The following ANKRD61 variants were observed in gnomAD, a reference collection of about 807,000 sequenced individuals.
ANKRD61 encodes the protein ankyrin repeat domain-containing protein 61.
ANKRD61 carries 7 observed loss-of-function variants against 8.4 expected under a neutral mutation model. That is an observed-to-expected ratio of 0.84 (90% CI 0.48 to 1.57). The LOEUF is 1.57. Ranked by LOEUF, ANKRD61 falls within the 40% of genes most tolerant of loss-of-function variation. The pLI is 0.00. For missense variants in ANKRD61, 516 were observed against 523.4 expected, an observed-to-expected ratio of 0.99 and a Z score of 0.14; for synonymous variants, 198 against 208.0, an observed-to-expected ratio of 0.95 and a Z score of 0.41.
At position 6,032,992 on chromosome 7, in the gene ANKRD61, G is replaced by A. The variant is rs1188962110; in HGVS notation, c.314+56G>A. ...TTTTTTTCTTTTTTGTTTTGAGGCA[G>A]GGGTCTCGCTCTGTTGCCCAGGCTG... On this transcript the variant is annotated intron_variant, in intron 2 of 2. Coordinates refer to ENST00000409061, the MANE Select transcript of ANKRD61 (RefSeq NM_001271700.2). This position sits in a 1 kb window ranked among gnomAD's most constrained non-coding sequence, Gnocchi z 4.3. 5.5e-6 allele frequency: 8 copies of A among 1,443,156 alleles called. No homozygotes were observed. Among genetic ancestry groups the A allele is most frequent in the Non-Finnish European group, 7.5e-6 (8 of 1,059,920 alleles). 89.4% of individuals were successfully genotyped at this position (1,443,156 alleles called of 1,614,324 possible).
chr7:6,032,820 T>C lies in ANKRD61; in HGVS notation c.217-19T>C, dbSNP rs1359235924. 5 of 1,543,990 alleles carry C rather than the reference T, an allele frequency of 3.2e-6. No individual in the cohort carries two copies. The highest frequency in any genetic ancestry group is 4.4e-6 in the Non-Finnish European group (5 of 1,140,984). On this transcript the variant is annotated intron_variant, in intron 1 of 2. Transcript: ENST00000409061. This position sits in a 1 kb window ranked among gnomAD's most constrained non-coding sequence, Gnocchi z 4.3. ...ACTACACAGGGCCACTTGTAATGTG[T>C]TTTGTTTTCCCTCCAAAGCCGACAG...
In ANKRD61 at chr7:6,035,077, A is replaced by G. The variant is rs1280990358; in HGVS notation, c.315-367A>G. On this transcript the variant is annotated intron_variant, in intron 2 of 2. Transcript: ENST00000409061. The surrounding 1 kb of genome is among the most constrained non-coding windows in gnomAD (Gnocchi z 5.5). ...CTGTGTGAGGTGCCAGACTGCAGAA[A>G]TCACTAAGATACAGCCTTGAAGGGA... 2.0e-5 allele frequency among the ~76,000 whole-genome samples: 3 copies of G among 152,206 alleles called. No individual in the cohort carries two copies. The highest frequency in any genetic ancestry group is 4.4e-5 in the Non-Finnish European group (3 of 68,044).
Position 6,032,818 on chromosome 7 carries a change from T to C in ANKRD61, c.217-21T>C. 6.5e-7 allele frequency: 1 copy of C among 1,536,324 alleles called. No homozygotes were observed. Among genetic ancestry groups the C allele is most frequent in the East Asian group, 2.4e-5 (1 of 40,820 alleles). On this transcript the variant is annotated intron_variant, in intron 1 of 2. Transcript: ENST00000409061. The surrounding 1 kb of genome is among the most constrained non-coding windows in gnomAD (Gnocchi z 4.3). The stretch of plus-strand genomic sequence containing the variant: ...TAACTACACAGGGCCACTTGTAATG[T>C]GTTTTGTTTTCCCTCCAAAGCCGAC...
chr7:6,032,071 G>A lies in ANKRD61; in HGVS notation c.216+480G>A, dbSNP rs545645579. Among the ~76,000 whole-genome samples the A allele has an allele frequency of 8.0e-4, 122 of 152,258 alleles. 1 individual carries two copies. The highest frequency in any genetic ancestry group is 2.8e-3 in the African/African-American group (116 of 41,540). On this transcript the variant is annotated intron_variant, in intron 1 of 2. Coordinates refer to ENST00000409061, the MANE Select transcript of ANKRD61 (RefSeq NM_001271700.2). The surrounding 1 kb of genome is among the most constrained non-coding windows in gnomAD (Gnocchi z 4.3). ...AGCCTGTAATCTCAGCTACTCGGAC[G>A]GCTGAGGCAGGAGAATTGCTTGAAC...
At chr7:6,031,719 CCA>C in intron 1 of ANKRD61, 128 bp downstream of exon 1, 1 of 890,152 alleles carries the variant, frequency 1.1e-6, no homozygotes, top group Non-Finnish European at 1.7e-6. Flanking sequence ...CCAGCTCACT[CCA>C]CACACACTGC....
Position 6,033,894 on chromosome 7 carries a change from T to C in ANKRD61, c.314+958T>C, listed in dbSNP as rs977708619. 1.3e-5 allele frequency among the ~76,000 whole-genome samples: 2 copies of C among 152,032 alleles called. No individual in the cohort carries two copies. The highest frequency in any genetic ancestry group is 1.3e-4 in the Admixed American group (2 of 15,248). ...GACAATGGATTTTCTTGTTTATTAC[T>C]CTCCACTAGAAGGTAAGCCGCATGA... On this transcript the variant is annotated intron_variant, in intron 2 of 2. Coordinates refer to ENST00000409061, the MANE Select transcript of ANKRD61 (RefSeq NM_001271700.2). The surrounding 1 kb of genome is among the most constrained non-coding windows in gnomAD (Gnocchi z 4.4).
At chr7:6,031,949 G>T (rs558493905) in intron 1 of ANKRD61, among the ~76,000 whole-genome samples, 1 of 152,318 alleles carries the variant, frequency 6.6e-6, no homozygotes, top group East Asian at 1.9e-4. Flanking sequence ...TGAGGTGGGT[G>T]GATCACCTGA....
At position 6,032,745 on chromosome 7, in the gene ANKRD61, A is replaced by T; in HGVS notation, c.217-94A>T. 9.7e-7 allele frequency: 1 copy of T among 1,030,620 alleles called. No individual in the cohort carries two copies. Among genetic ancestry groups the T allele is most frequent in the African/African-American group, 1.6e-5 (1 of 62,142 alleles). The allele number at this position is 1,030,620 out of a possible 1,614,324, so 63.8% of individuals were successfully genotyped here. A position where few individuals can be genotyped will look rare whatever the true frequency, so the allele number is the denominator to read the frequency against. On this transcript the variant is annotated intron_variant, in intron 1 of 2. Transcript: ENST00000409061. The surrounding 1 kb of genome is among the most constrained non-coding windows in gnomAD (Gnocchi z 4.3). Reference sequence around the variant, plus strand: ...AAAAGAGTGAGCCAATGAGACACTAAATAAATGTATTGCCTTTGAAACGGC... The same window carrying T: ...AAAAGAGTGAGCCAATGAGACACTATATAAATGTATTGCCTTTGAAACGGC...
rs1011221783 is a variant in ANKRD61, at chr7:6,035,828, C to G, written c.699C>G (p.Ser233=). 1.9e-5 allele frequency: 29 copies of G among 1,549,164 alleles called. No individual in the cohort carries two copies. The Admixed American group carries it at 5.7e-4, about 30-fold the overall frequency. The stretch of plus-strand genomic sequence containing the variant: ...CAAACGTCAACTGTGCTGTCTCTTC[C>G]ACGGGGAACACGCCCCTGAAGCTTG... ...YGANVNCAVS[S]TGNTPLKLAV... The change falls in exon 3 of 3, where the codon TCC becomes TCG. Residue 233 remains serine, a synonymous_variant. Transcript: ENST00000409061. This position sits in a 1 kb window ranked among gnomAD's most constrained non-coding sequence, Gnocchi z 5.5.
At chr7:6,031,704 C>T (rs568169837) in intron 1 of ANKRD61, 113 bp downstream of exon 1, 133 of 1,009,384 alleles carry the variant, frequency 1.3e-4, no homozygotes, top group Non-Finnish European at 1.8e-4. Flanking sequence ...GAATGAGACA[C>T]GACTCCAGCT....
At position 6,036,102 on chromosome 7, in the gene ANKRD61, G is replaced by C; in HGVS notation, c.973G>C (p.Val325Leu). 1 of 1,550,894 alleles carries C rather than the reference G, an allele frequency of 6.4e-7. No homozygotes were observed. Among genetic ancestry groups the C allele is most frequent in the Non-Finnish European group, 8.7e-7 (1 of 1,147,094 alleles). ...TATGTACCTTCAGCGCAGTTGCAAT[G>C]TAAGAGATACGGCACTTCTGGCCAG... ...IYMYLQRSCN[V>L]RDTALLARLL... The change falls in exon 3 of 3, where the codon GTA (valine) becomes CTA (leucine). Residue 325 changes from valine to leucine, a missense_variant. Coordinates refer to ENST00000409061, the MANE Select transcript of ANKRD61 (RefSeq NM_001271700.2). This position sits in a 1 kb window ranked among gnomAD's most constrained non-coding sequence, Gnocchi z 4.6.
Position 6,032,843 on chromosome 7 carries a change from CAG to C in ANKRD61, c.224_225del (p.Glu75ValfsTer26). Reference sequence around the variant, plus strand: ...TGTTTTGTTTTCCCTCCAAAGCCGACAGAGTCTATCATCCCCATCCATCTGGC... The same window carrying C: ...TGTTTTGTTTTCCCTCCAAAGCCGACAGTCTATCATCCCCATCCATCTGGC... On this transcript the variant is annotated frameshift_variant, in exon 2 of 3. Coordinates refer to ENST00000409061, the MANE Select transcript of ANKRD61 (RefSeq NM_001271700.2). LOFTEE classifies it high-confidence loss of function. The surrounding 1 kb of genome is among the most constrained non-coding windows in gnomAD (Gnocchi z 4.3). The C allele has an allele frequency of 6.4e-7, 1 of 1,550,826 alleles. No homozygotes were observed. The highest frequency in any genetic ancestry group is 8.7e-7 in the Non-Finnish European group (1 of 1,146,872).
Position 6,036,466 on chromosome 7 carries a change from T to C in ANKRD61, c.*80T>C. ...TTCTGGCTAGACATGTCCCAGAAAA[T>C]GCTTCACCTATCACCTGTGACATCC... On this transcript the variant is annotated 3_prime_UTR_variant, in exon 3 of 3. Coordinates refer to ENST00000409061, the MANE Select transcript of ANKRD61 (RefSeq NM_001271700.2). The surrounding 1 kb of genome is among the most constrained non-coding windows in gnomAD (Gnocchi z 4.6). 9.8e-7 allele frequency: 1 copy of C among 1,018,142 alleles called. No homozygotes were observed. The highest frequency in any genetic ancestry group is 1.4e-6 in the Non-Finnish European group (1 of 732,270). The allele number at this position is 1,018,142 out of a possible 1,614,324, so 63.1% of individuals were successfully genotyped here.
chr7:6,035,136 G>C lies in ANKRD61; in HGVS notation c.315-308G>C, dbSNP rs983772796. ...TAGCGGGGACGGCACAGGTAAAACA[G>C]GCTGCTCCAAGAAGCTGGGCCTTCT... is the stretch of plus-strand genomic sequence containing the variant. On this transcript the variant is annotated intron_variant, in intron 2 of 2. Transcript: ENST00000409061. The surrounding 1 kb of genome is among the most constrained non-coding windows in gnomAD (Gnocchi z 5.5). Among the ~76,000 whole-genome samples, 3 of 152,090 alleles carry C rather than the reference G, an allele frequency of 2.0e-5. No homozygotes were observed. The highest frequency in any genetic ancestry group is 7.2e-5 in the African/African-American group (3 of 41,406).
At position 6,036,305 on chromosome 7, in the gene ANKRD61, C is replaced by T. The variant is rs1788091711; in HGVS notation, c.1176C>T (p.Tyr392=). ...RNIRNIYGEK[Y]KQHLKQFLPV... ...TCAGGAATATTTATGGTGAGAAATACAAACAGCACTTGAAGCAATTCCTCC... is the reference window on the plus strand; with the variant it reads ...TCAGGAATATTTATGGTGAGAAATATAAACAGCACTTGAAGCAATTCCTCC... Residue 392 remains tyrosine, a synonymous_variant, in exon 3 of 3, where the codon TAC becomes TAT. Transcript: ENST00000409061. This position sits in a 1 kb window ranked among gnomAD's most constrained non-coding sequence, Gnocchi z 4.6. The T allele has an allele frequency of 6.5e-7, 1 of 1,547,560 alleles. No individual in the cohort carries two copies. The highest frequency in any genetic ancestry group is 2.0e-5 in the Admixed American group (1 of 50,158).
rs1246775595 is a variant in ANKRD61, at chr7:6,035,574, C to T, written c.445C>T (p.Leu149Phe). ...CATTCAGAATAGCAGCATCACATGT[C>T]TCCGCATCTTGTGTGCGCACGGAGC... ...TDIQNSSITC[L>F]RILCAHGAQV... is the part of the protein sequence containing the mutation. Residue 149 changes from leucine (L) to phenylalanine (F), a missense_variant, in exon 3 of 3, where the codon CTC becomes TTC. By Grantham distance (22) the Leu-to-Phe change is conservative. Transcript: ENST00000409061. The surrounding 1 kb of genome is among the most constrained non-coding windows in gnomAD (Gnocchi z 5.5). The T allele has an allele frequency of 6.4e-7, 1 of 1,551,196 alleles. No individual in the cohort carries two copies. Among genetic ancestry groups the T allele is most frequent in the Admixed American group, 2.0e-5 (1 of 51,010 alleles).
In ANKRD61 at chr7:6,035,448, A is replaced by C; in HGVS notation, c.319A>C (p.Thr107Pro). 6.5e-7 allele frequency: 1 copy of C among 1,549,114 alleles called. No homozygotes were observed. Among genetic ancestry groups the C allele is most frequent in the Non-Finnish European group, 8.7e-7 (1 of 1,145,664 alleles). Residue 107 changes from threonine (T) to proline (P), a missense_variant, in exon 3 of 3, where the codon ACG becomes CCG. Coordinates refer to ENST00000409061, the MANE Select transcript of ANKRD61 (RefSeq NM_001271700.2). The surrounding 1 kb of genome is among the most constrained non-coding windows in gnomAD (Gnocchi z 5.5). ...RHGADPEVRD[T>P]TGLTTLNLML... ...TGTAATCAATACCCATTCTAGGGAC[A>C]CGACAGGCCTCACCACACTCAACTT...
chr7:6,033,330 C>A lies in ANKRD61; in HGVS notation c.314+394C>A, dbSNP rs1787971553. 6.6e-6 allele frequency among the ~76,000 whole-genome samples: 1 copy of A among 152,074 alleles called. No individual in the cohort carries two copies. The highest frequency in any genetic ancestry group is 1.5e-5 in the Non-Finnish European group (1 of 68,008). On this transcript the variant is annotated intron_variant, in intron 2 of 2. Coordinates refer to ENST00000409061, the MANE Select transcript of ANKRD61 (RefSeq NM_001271700.2). The surrounding 1 kb of genome is among the most constrained non-coding windows in gnomAD (Gnocchi z 4.4). ...ATATAGATTTTTTTTTCAGTTCATA[C>A]ATTTTTTCCACTTATGTTTGGACTT... is the stretch of plus-strand genomic sequence containing the variant.
In ANKRD61 at chr7:6,036,157, T is replaced by G; in HGVS notation, c.1028T>G (p.Met343Arg). Residue 343 changes from methionine (M) to arginine (R), a missense_variant, in exon 3 of 3, where the codon ATG (methionine) becomes AGG (arginine). Coordinates refer to ENST00000409061, the MANE Select transcript of ANKRD61 (RefSeq NM_001271700.2). This position sits in a 1 kb window ranked among gnomAD's most constrained non-coding sequence, Gnocchi z 4.6. Reference protein sequence around the residue: ...RLLYHTYPLRMTNNQGILPAG... With the variant: ...RLLYHTYPLRRTNNQGILPAG... Reference sequence around the variant, plus strand: ...CTTTATCACACTTATCCTCTGAGAATGACCAATAACCAAGGAATTCTACCT... The same window carrying G: ...CTTTATCACACTTATCCTCTGAGAAGGACCAATAACCAAGGAATTCTACCT... 2 of 1,550,240 alleles carry G rather than the reference T, an allele frequency of 1.3e-6. No individual in the cohort carries two copies. The highest frequency in any genetic ancestry group is 1.7e-6 in the Non-Finnish European group (2 of 1,146,742).
Sources: gnomAD v4.1 joint callset for allele counts (sites outside exome capture counted in the v4.1 genomes callset) on GRCh38, gnomAD v4.1.1 for gene constraint, Gnocchi (gnomAD v3.1) non-coding constraint, MANE v1.5 for transcripts, NCBI Gene and HGNC (gene_info 2026-07-23, HGNC 2026-07-21) for gene names.